PLXNA4: variants seen among roughly 807,000 people sequenced by gnomAD.
The protein encoded by PLXNA4 is plexin-A4.
PLXNA4 carries 44 observed loss-of-function variants against 191.8 expected under a neutral mutation model. That is an observed-to-expected ratio of 0.23 (90% confidence interval 0.18 to 0.29). PLXNA4 has a LOEUF of 0.29. Ranked by LOEUF, PLXNA4 falls within the 10% of genes least tolerant of loss-of-function variation. The pLI, the probability that PLXNA4 is intolerant of heterozygous loss-of-function variation, is 1.00. For missense variants in PLXNA4, 1,800 were observed against 2,488.8 expected (o/e 0.72, Z 5.89); for synonymous variants, 1,082 against 1,009.5 (o/e 1.07, Z -1.36).
rs1318200658 is a variant in PLXNA4 at position 132,365,354 on chromosome 7, T to TGCGCGC, written c.1372-67133_1372-67132insGCGCGC. On this transcript the variant is annotated intron_variant, in intron 3 of 31. Transcript: ENST00000321063. ...GTGTGTGTGTGTGTGTGTGTGTGTGTGTGTGTGCGTGCGCGCGCATGCATG... is the reference window on the plus strand; with the variant it reads ...GTGTGTGTGTGTGTGTGTGTGTGTGTGCGCGCGTGTGTGCGTGCGCGCGCATGCATG... Among the ~76,000 whole-genome samples, 520 of 125,930 alleles carry TGCGCGC rather than the reference T, an allele frequency of 4.1e-3. 4 individuals are homozygous for TGCGCGC. Among genetic ancestry groups the TGCGCGC allele is most frequent in the African/African-American group, 0.019 (495 of 26,502 alleles). The allele number at this position is 125,930 out of a possible 152,430, so 82.6% of individuals were successfully genotyped here.
intron 4 of PLXNA4, among the ~76,000 whole-genome samples, chr7:132,297,746 G>A (rs1267588412): frequency 6.6e-6 from 1 of 152,072 alleles, no homozygotes; most frequent in Admixed American, 6.6e-5. Context: ...TTTGGTATGA[G>A]GTAGCATTTT....
chr7:132,509,493 T>C (rs2116267982), intron 1 of PLXNA4, among the ~76,000 whole-genome samples: 1 of 152,316 alleles, frequency 6.6e-6, no homozygotes. Flanking sequence ...TACATCCTAT[T>C]GTAGCCACAT....
chr7:132,237,599 T>G (rs541533144), intron 5 of PLXNA4, among the ~76,000 whole-genome samples: 3 of 152,098 alleles, frequency 2.0e-5, no homozygotes, highest in Non-Finnish European at 4.4e-5. Context: ...TGGCACAAAT[T>G]TATACCTGTG....
At chr7:132,138,720 C>G (rs1795183826) in intron 30 of PLXNA4, among the ~76,000 whole-genome samples, 1 of 152,108 alleles carries the variant, frequency 6.6e-6, no homozygotes, top group South Asian at 2.1e-4. Flanking sequence ...AAAAATAACC[C>G]AATGGACTGA....
At chr7:132,493,785 G>GGATA in intron 2 of PLXNA4, among the ~76,000 whole-genome samples, 1 of 150,390 alleles carries the variant, frequency 6.6e-6, no homozygotes, top group Non-Finnish European at 1.5e-5. Flanking sequence ...ATGGATGGAT[G>GGATA]GATGGATGGT....
chr7:132,414,449 C>G (rs756767405), intron 3 of PLXNA4, among the ~76,000 whole-genome samples: 1 of 152,118 alleles, frequency 6.6e-6, no homozygotes, highest in Non-Finnish European at 1.5e-5. Context: ...AAACCCCAAA[C>G]CATCAGAGGA....
intron 10 of PLXNA4, among the ~76,000 whole-genome samples, chr7:132,210,668 C>A (rs1314154770): frequency 1.3e-5 from 2 of 152,192 alleles, no homozygotes; most frequent in South Asian, 2.1e-4. Flanking sequence ...ACGGCTGGTC[C>A]AATATCCCTT....
Position 132,511,415 on chromosome 7 carries a change from G to A in PLXNA4, c.-86-2636C>T, listed in dbSNP as rs12539173. On this transcript the variant is annotated intron_variant, in intron 1 of 31. Coordinates refer to ENST00000321063, the MANE Select transcript of PLXNA4 (RefSeq NM_020911.2). ...TTTTCTAGAAATGCACATTTCCAGAGCCCAGAAGATAGAGCACTTAGAAGC... is the reference window on the plus strand; with the variant it reads ...TTTTCTAGAAATGCACATTTCCAGAACCCAGAAGATAGAGCACTTAGAAGC... Among the ~76,000 whole-genome samples the A allele has an allele frequency of 5.1e-3, 775 of 152,302 alleles. 3 individuals carry two copies. The highest frequency in any genetic ancestry group is 0.041 in the Middle Eastern group (12 of 294).
intron 25 of PLXNA4, among the ~76,000 whole-genome samples, chr7:132,153,357 A>G (rs901684250): frequency 2.0e-5 from 3 of 152,174 alleles, no homozygotes; most frequent in African/African-American, 7.2e-5. Context: ...AGCTGAGGCC[A>G]GGGAGACAGA....
At chr7:132,368,542 T>G (rs1264281705) in intron 3 of PLXNA4, among the ~76,000 whole-genome samples, 1 of 152,174 alleles carries the variant, frequency 6.6e-6, no homozygotes, top group Non-Finnish European at 1.5e-5. Flanking sequence ...CCTGTCACCC[T>G]CTGTCTGCCC....
chr7:132,638,130 T>C (rs1438638103), intron 2 of PLXNA4, among the ~76,000 whole-genome samples: 1 of 152,036 alleles, frequency 6.6e-6, no homozygotes, highest in Non-Finnish European at 1.5e-5. Context: ...GAGCCTCCAC[T>C]CCTAGCGCAC....
chr7:132,618,496 G>C (rs1016933132), intron 2 of PLXNA4, among the ~76,000 whole-genome samples: 1 of 152,200 alleles, frequency 6.6e-6, no homozygotes, highest in Non-Finnish European at 1.5e-5. Flanking sequence ...ATGATTATGT[G>C]AAAAGATAAT....
Position 132,202,829 on chromosome 7 carries a change from G to C in PLXNA4, c.2403C>G (p.Leu801=). The part of the protein sequence containing the change: ...IDNPAQNKVH[L]YKCGAMRESC... ...TCTCACGCATGGCTCCACACTTGTA[G>C]AGGTGAACTGCAGAGGGGAAGGGCA... is the stretch of plus-strand genomic sequence containing the variant. Residue 801 remains leucine (L), a synonymous_variant, in exon 12 of 32, where the codon CTC becomes CTG. Coordinates refer to ENST00000321063, the MANE Select transcript of PLXNA4 (RefSeq NM_020911.2). 6.3e-7 allele frequency: 1 copy of C among 1,582,788 alleles called. No homozygotes were observed. Among genetic ancestry groups the C allele is most frequent in the Non-Finnish European group, 8.6e-7 (1 of 1,164,362 alleles).
At chr7:132,175,157 A>T (rs909205873) in intron 20 of PLXNA4, among the ~76,000 whole-genome samples, 4 of 152,154 alleles carry the variant, frequency 2.6e-5, no homozygotes, top group African/African-American at 9.7e-5. Flanking sequence ...AAACCTTTCC[A>T]AAGTGTGATG....
intron 4 of PLXNA4, among the ~76,000 whole-genome samples, chr7:132,272,057 G>A (rs1179191955): frequency 1.3e-5 from 2 of 152,162 alleles, no homozygotes; most frequent in Non-Finnish European, 2.9e-5. Flanking sequence ...TTACCAGGAG[G>A]AGAAACACAT....
intron 3 of PLXNA4, among the ~76,000 whole-genome samples, chr7:132,462,734 C>T (rs557445451): frequency 9.9e-4 from 151 of 152,034 alleles, no homozygotes; most frequent in African/African-American, 3.3e-3. Flanking sequence ...TGAGCCACCA[C>T]GCCCAGCATT....
chr7:132,198,746 G>C, intron 12 of PLXNA4, 110 bp from the exon 13 acceptor site: 1 of 1,504,402 alleles, frequency 6.6e-7, no homozygotes, highest in Non-Finnish European at 8.8e-7. Context: ...CAGAGTCCCT[G>C]AGTGGCTTGA....
At chr7:132,511,016 C>T (rs1332426770) in intron 1 of PLXNA4, among the ~76,000 whole-genome samples, 2 of 139,104 alleles carry the variant, frequency 1.4e-5, no homozygotes, top group African/African-American at 2.8e-5. Context: ...TTCCATTTAG[C>T]CTTAGCCTTT....
chr7:132,133,837 A>AATG (rs2116509380), intron 30 of PLXNA4, among the ~76,000 whole-genome samples: 1 of 152,296 alleles, frequency 6.6e-6, no homozygotes, highest in African/African-American at 2.4e-5. Context: ...GCAGTTTCTT[A>AATG]ATGAGGAACT....
Sources: gnomAD v4.1 joint callset for allele counts (sites outside exome capture counted in the v4.1 genomes callset) on GRCh38, gnomAD v4.1.1 for gene constraint, MANE v1.5 for transcripts, NCBI Gene and HGNC (gene_info 2026-07-23, HGNC 2026-07-21) for gene names.